PTH2R: variants seen among roughly 807,000 people sequenced by gnomAD.
The protein encoded by PTH2R is parathyroid hormone 2 receptor.
A neutral mutation model predicts 60.3 loss-of-function variants in PTH2R; 59 were observed. The ratio of observed to expected loss-of-function variants is 0.98; its 90% confidence interval spans 0.79 to 1.22. The LOEUF is 1.22. Ranked by LOEUF, PTH2R falls within the 50% of genes most tolerant of loss-of-function variation. PTH2R has a pLI of 0.00. For synonymous variants in PTH2R, 256 were observed against 243.8 expected, an observed-to-expected ratio of 1.05 and a Z score of -0.47; for missense variants, 749 against 682.6, an observed-to-expected ratio of 1.10 and a Z score of -1.08.
chr2:208,408,411 G>A (rs1393300534), intron 1 of PTH2R, among the ~76,000 whole-genome samples: 1 of 151,994 alleles, frequency 6.6e-6, no homozygotes. Context: ...TAAGATATTT[G>A]GATAATATGC....
intron 1 of PTH2R, among the ~76,000 whole-genome samples, chr2:208,364,828 C>T (rs111351751): frequency 0.013 from 1,983 of 151,842 alleles, 20 homozygotes; most frequent in Middle Eastern, 0.041. Flanking sequence ...TTTATCTCTT[C>T]TTTGATTTCT....
chr2:208,485,432 G>A (rs1321600776), intron 10 of PTH2R, among the ~76,000 whole-genome samples: 1 of 152,108 alleles, frequency 6.6e-6, no homozygotes, highest in African/African-American at 2.4e-5. Context: ...GAGAGCCAGG[G>A]TATAAAAACG....
intron 1 of PTH2R, among the ~76,000 whole-genome samples, chr2:208,422,703 A>C (rs1236637270): frequency 6.6e-6 from 1 of 152,176 alleles, no homozygotes; most frequent in African/African-American, 2.4e-5. Flanking sequence ...GTAAATTCAC[A>C]TGCAGTTGGA....
chr2:208,368,745 A>G (rs1421138006), intron 1 of PTH2R, among the ~76,000 whole-genome samples: 2 of 152,154 alleles, frequency 1.3e-5, no homozygotes, highest in African/African-American at 4.8e-5. Flanking sequence ...CAGGAAGACA[A>G]AGTCACTCTG....
intron 12 of PTH2R, among the ~76,000 whole-genome samples, chr2:208,491,827 A>T (rs182140013): frequency 3.6e-4 from 55 of 152,146 alleles, no homozygotes; most frequent in African/African-American, 1.3e-3. Flanking sequence ...TCTGTGCCCG[A>T]GCTGTCTTAT....
rs1184915571 is a variant in PTH2R, at chr2:208,437,629, TATGACTTC to T, written c.273_280del (p.Tyr91Ter). 1 of 1,612,824 alleles carries T rather than the reference TATGACTTC, an allele frequency of 6.2e-7. No individual in the cohort carries two copies. The highest frequency in any genetic ancestry group is 2.2e-5 in the East Asian group (1 of 44,874). On this transcript the variant is annotated frameshift_variant, in exon 3 of 13. Coordinates refer to ENST00000272847, the MANE Select transcript of PTH2R (RefSeq NM_005048.4). LOFTEE classifies it high-confidence loss of function. ...GGCTGTTCCATGCCCTCCTTATATT[TATGACTTC>T]AACCATAAAGGTATTGAATTTTTCT...
rs151149710 is a variant in PTH2R at position 208,362,597 on chromosome 2, C to T, written c.-259+2360C>T. ...AATTCTGACTGATACAGGTTGCTTC[C>T]GCCTTTTGGCTATCATGAGTAATGC... On this transcript the variant is annotated intron_variant, in intron 1 of 12. Coordinates refer to the PTH2R transcript ENST00000617735. 3.3e-5 allele frequency among the ~76,000 whole-genome samples: 5 copies of T among 152,166 alleles called. No homozygotes were observed. The South Asian group carries it at 8.3e-4, about 25-fold the overall frequency.
upstream of PTH2R, among the ~76,000 whole-genome samples, chr2:208,406,667 G>A (rs909853220): frequency 5.9e-5 from 9 of 152,138 alleles, no homozygotes; most frequent in African/African-American, 2.2e-4. Flanking sequence ...CCGCCCCCTG[G>A]GCTGCGGGAC....
At chr2:208,372,087 A>G (rs1700712939) in intron 1 of PTH2R, among the ~76,000 whole-genome samples, 1 of 151,940 alleles carries the variant, frequency 6.6e-6, no homozygotes, top group South Asian at 2.1e-4. Flanking sequence ...ACTCTCAGCT[A>G]ATTTTTTGTA....
At chr2:208,459,734 T>C (rs992931723) in intron 8 of PTH2R, among the ~76,000 whole-genome samples, 161 bp from the exon 9 acceptor site, 2 of 152,158 alleles carry the variant, frequency 1.3e-5, no homozygotes, top group African/African-American at 2.4e-5. Flanking sequence ...TTACACTTTT[T>C]CCCCCCACTG....
At chr2:208,376,547 A>G (rs1288053718) in intron 1 of PTH2R, among the ~76,000 whole-genome samples, 1 of 152,166 alleles carries the variant, frequency 6.6e-6, no homozygotes. Flanking sequence ...AAATTTATTT[A>G]CATTATGTAA....
chr2:208,490,554 T>C (rs1473320755), intron 11 of PTH2R, 85 bp from the exon 12 acceptor site: 2 of 1,331,226 alleles, frequency 1.5e-6, no homozygotes, highest in East Asian at 2.4e-5. Context: ...AAAACAATTT[T>C]TGGACGTACA....
intron 1 of PTH2R, among the ~76,000 whole-genome samples, chr2:208,423,835 A>G (rs1701803243): frequency 6.6e-6 from 1 of 152,036 alleles, no homozygotes; most frequent in South Asian, 2.1e-4. Flanking sequence ...TTGTATTATG[A>G]TATAATGTCC....
chr2:208,371,482 T>C (rs1700700305), intron 1 of PTH2R, among the ~76,000 whole-genome samples: 1 of 152,160 alleles, frequency 6.6e-6, no homozygotes. Flanking sequence ...AGTGACTCCT[T>C]ACAGAGTGCT....
intron 1 of PTH2R, among the ~76,000 whole-genome samples, chr2:208,378,553 G>C (rs1700854181): frequency 6.6e-6 from 1 of 151,996 alleles, no homozygotes; most frequent in Non-Finnish European, 1.5e-5. Flanking sequence ...GCTCAGGAGG[G>C]TGGAGCCCTC....
At chr2:208,479,034 G>A (rs1185110892) in intron 9 of PTH2R, among the ~76,000 whole-genome samples, 1 of 152,148 alleles carries the variant, frequency 6.6e-6, no homozygotes, top group African/African-American at 2.4e-5. Context: ...GTTCTCGCAT[G>A]TATCAATATG....
intron 5 of PTH2R, among the ~76,000 whole-genome samples, chr2:208,442,682 C>T (rs1168722604): frequency 6.6e-6 from 1 of 152,054 alleles, no homozygotes; most frequent in East Asian, 1.9e-4. Flanking sequence ...ACCTTTAACC[C>T]AATAAGTATG....
chr2:208,391,599 C>A (rs1701109400), intron 1 of PTH2R, among the ~76,000 whole-genome samples: 1 of 152,142 alleles, frequency 6.6e-6, no homozygotes, highest in Non-Finnish European at 1.5e-5. Flanking sequence ...AGTTTTAGCT[C>A]CCTGAGTTTT....
intron 7 of PTH2R, among the ~76,000 whole-genome samples, chr2:208,449,736 T>C (rs1264455247): frequency 6.6e-6 from 1 of 152,308 alleles, no homozygotes; most frequent in East Asian, 1.9e-4. Flanking sequence ...TTTCTAAGCC[T>C]ATTTCTTTGT....
Sources: allele counts gnomAD v4.1 joint callset (sites outside exome capture counted in the v4.1 genomes callset), GRCh38; gene constraint gnomAD v4.1.1; transcripts MANE v1.5; gene names NCBI Gene and HGNC (gene_info 2026-07-23, HGNC 2026-07-21).